Variants in MYO16 observed in about 807,000 individuals in gnomAD.
The protein encoded by MYO16 is myosin XVI, also known as unconventional myosin-XVI.
In MYO16, 94 loss-of-function variants were observed where a neutral mutation model predicts 205.3. The observed-to-expected ratio is 0.46, with a 90% CI of 0.39 to 0.54. The LOEUF is 0.54. Ranked by LOEUF, MYO16 falls within the 20% of genes least tolerant of loss-of-function variation. The pLI is 0.00. For synonymous variants in MYO16, 988 were observed against 954.0 expected, an observed-to-expected ratio of 1.04 and a Z score of -0.66; for missense variants, 2,315 against 2,387.5, an observed-to-expected ratio of 0.97 and a Z score of 0.63.
chr13:108,817,456 A>G (rs1875686827), intron 7 of MYO16, among the ~76,000 whole-genome samples: 1 of 152,228 alleles, frequency 6.6e-6, no homozygotes, highest in Admixed American at 6.5e-5. Context: ...AAGAATAGAC[A>G]AAACTAATCT....
the MYO16 span, among the ~76,000 whole-genome samples, chr13:108,509,272 C>T: frequency 6.6e-6 from 1 of 152,016 alleles, no homozygotes; most frequent in East Asian, 1.9e-4. Context: ...ACTTGCACAA[C>T]CTGAAGAGTA....
At chr13:109,165,164 C>A in intron 33 of MYO16, 105 bp downstream of exon 33, 2 of 828,864 alleles carry the variant, frequency 2.4e-6, no homozygotes, top group Non-Finnish European at 3.7e-6. Context: ...GGGTTAAGAA[C>A]TGGAAAATAG....
chr13:109,023,829 C>T (rs1435601879), intron 23 of MYO16, among the ~76,000 whole-genome samples: 1 of 133,910 alleles, frequency 7.5e-6, no homozygotes, highest in African/African-American at 2.7e-5. Flanking sequence ...TTTATATTTG[C>T]ATTTATTAGA....
intron 21 of MYO16, among the ~76,000 whole-genome samples, chr13:109,007,726 CAT>C (rs1885447783): frequency 1.3e-5 from 2 of 150,870 alleles, no homozygotes; most frequent in Admixed American, 6.6e-5. Context: ...TAAGAAATAA[CAT>C]ATTTGTTTCC....
At chr13:108,641,991 C>T (rs958818914) in intron 1 of MYO16, among the ~76,000 whole-genome samples, 2 of 152,200 alleles carry the variant, frequency 1.3e-5, no homozygotes, top group South Asian at 2.1e-4. Flanking sequence ...TATGGGACCA[C>T]AGGGTCAATC....
chr13:108,567,958 A>G, the MYO16 span, among the ~76,000 whole-genome samples: 1 of 152,116 alleles, frequency 6.6e-6, no homozygotes, highest in Non-Finnish European at 1.5e-5. Flanking sequence ...AGAATTATAC[A>G]TGTGTGTCCT....
At chr13:108,981,752 C>CT (rs1594444648) in intron 20 of MYO16, among the ~76,000 whole-genome samples, 2 of 152,212 alleles carry the variant, frequency 1.3e-5, no homozygotes, top group African/African-American at 2.4e-5. Flanking sequence ...TTTTAAGTCA[C>CT]TGAGTTTTGT....
intron 34 of MYO16, among the ~76,000 whole-genome samples, chr13:109,205,050 TA>T (rs35890376): frequency 0.64 from 97,042 of 151,170 alleles, 33,014 homozygotes; most frequent in African/African-American, 0.86. Context: ...CCCTAAAGAA[TA>T]AAAAAAAAAT....
At chr13:108,851,860 C>G (rs974175662) in intron 10 of MYO16, among the ~76,000 whole-genome samples, 1 of 152,116 alleles carries the variant, frequency 6.6e-6, no homozygotes, top group African/African-American at 2.4e-5. Context: ...ATGACTTTCA[C>G]TAATTCCTGG....
intron 4 of MYO16, among the ~76,000 whole-genome samples, chr13:108,753,384 A>AAAAAAAAC (rs1885315157): frequency 1.4e-5 from 2 of 145,698 alleles, no homozygotes; most frequent in African/African-American, 5.6e-5. Context: ...AAAAAAAAAA[A>AAAAAAAAC]AAAAAAAAAA....
the MYO16 span, among the ~76,000 whole-genome samples, chr13:108,531,491 G>A: frequency 6.6e-6 from 1 of 152,148 alleles, no homozygotes; most frequent in Non-Finnish European, 1.5e-5. Context: ...GGTTTAAAGT[G>A]GGCTTCGGGA....
intron 27 of MYO16, among the ~76,000 whole-genome samples, chr13:109,098,611 C>T (rs183999355): frequency 2.2e-4 from 34 of 152,280 alleles, no homozygotes; most frequent in Admixed American, 2.0e-3. Context: ...GTTTTCCGTG[C>T]ATCTCATCGA....
At chr13:108,769,194 T>A (rs1370547960) in intron 4 of MYO16, among the ~76,000 whole-genome samples, 1 of 151,074 alleles carries the variant, frequency 6.6e-6, no homozygotes, top group Non-Finnish European at 1.5e-5. Context: ...TGAAGTGAGG[T>A]GTGAGGGAAA....
At chr13:108,727,649 TA>T in intron 4 of MYO16, 66 bp downstream of exon 4, 1 of 1,511,794 alleles carries the variant, frequency 6.6e-7, no homozygotes, top group East Asian at 2.3e-5. Context: ...TATATTTAAC[TA>T]ATGCTATTTT....
At chr13:108,842,247 A>G (rs1444902574) in intron 9 of MYO16, among the ~76,000 whole-genome samples, 1 of 152,168 alleles carries the variant, frequency 6.6e-6, no homozygotes, top group Non-Finnish European at 1.5e-5. Flanking sequence ...TCTGCACAGC[A>G]AAGAAAACAA....
At chr13:109,009,521 T>A (rs1885521123) in intron 22 of MYO16, among the ~76,000 whole-genome samples, 1 of 152,210 alleles carries the variant, frequency 6.6e-6, no homozygotes, top group Non-Finnish European at 1.5e-5. Context: ...TCACAGCATC[T>A]GCAGGTGTTT....
intron 2 of MYO16, among the ~76,000 whole-genome samples, chr13:108,686,273 C>T (rs1475241259): frequency 6.6e-6 from 1 of 152,178 alleles, no homozygotes; most frequent in Non-Finnish European, 1.5e-5. Context: ...CGCACAGCAG[C>T]TGGGGCCTGG....
chr13:108,778,069 A>G (rs1271713218), intron 4 of MYO16, among the ~76,000 whole-genome samples: 1 of 152,176 alleles, frequency 6.6e-6, no homozygotes, highest in Non-Finnish European at 1.5e-5. Flanking sequence ...TCTCTTGATG[A>G]GTCAGCGGCC....
chr13:108,912,092 G>A (rs1309672517), intron 16 of MYO16, among the ~76,000 whole-genome samples: 2 of 152,288 alleles, frequency 1.3e-5, no homozygotes, highest in South Asian at 2.1e-4. Context: ...ACTTTCCAGT[G>A]TGATGGAGCC....
Sources: gnomAD v4.1 joint callset for allele counts (sites outside exome capture counted in the v4.1 genomes callset) on GRCh38, gnomAD v4.1.1 for gene constraint, MANE v1.5 for transcripts, NCBI Gene and HGNC (gene_info 2026-07-23, HGNC 2026-07-21) for gene names.